Variants in CSRNP3 observed in about 807,000 individuals in gnomAD.
CSRNP3 encodes cysteine and serine rich nuclear protein 3, also known as cysteine/serine-rich nuclear protein 3.
In CSRNP3, 12 loss-of-function variants were observed where a neutral mutation model predicts 48.0. That is an observed-to-expected ratio of 0.25 (90% confidence interval 0.16 to 0.41). CSRNP3 has a LOEUF of 0.41. Ranked by LOEUF, CSRNP3 falls within the 10% of genes least tolerant of loss-of-function variation. CSRNP3 has a pLI of 1.00. For missense variants in CSRNP3, 580 were observed against 724.4 expected (o/e 0.80, Z 2.29); for synonymous variants, 263 against 269.7 (o/e 0.98, Z 0.24).
chr2:165,513,335 C>G (rs1684533796), intron 2 of CSRNP3, among the ~76,000 whole-genome samples: 1 of 152,148 alleles, frequency 6.6e-6, no homozygotes, highest in Non-Finnish European at 1.5e-5. Context: ...GAACACCAGA[C>G]AATTACTCCA....
intron 3 of CSRNP3, among the ~76,000 whole-genome samples, chr2:165,584,393 G>T (rs1249975543): frequency 6.6e-6 from 1 of 152,184 alleles, no homozygotes; most frequent in Non-Finnish European, 1.5e-5. Context: ...CTTAGGGAAA[G>T]CAGCTGAGGC....
chr2:165,498,116 A>C (rs977915278), intron 2 of CSRNP3, among the ~76,000 whole-genome samples: 5 of 152,054 alleles, frequency 3.3e-5, no homozygotes, highest in Admixed American at 1.3e-4. Context: ...CAGATTGTTG[A>C]GACTTTCCTT....
chr2:165,656,918 A>G lies in CSRNP3; in HGVS notation c.149-843A>G, dbSNP rs555072499. Among the ~76,000 whole-genome samples, 9 of 152,366 alleles carry G rather than the reference A, an allele frequency of 5.9e-5. No individual in the cohort carries two copies. In the South Asian group the frequency reaches 1.9e-3, roughly 32 times the overall value. On this transcript the variant is annotated intron_variant, in intron 4 of 6. Coordinates refer to ENST00000651982, the MANE Select transcript of CSRNP3 (RefSeq NM_001172173.2). Reference sequence around the variant, plus strand: ...AAAGTTCAAAGGATTAGAGGAAATGAGAAATTATAGTTGTCCCTGGTTATC... The same window carrying G: ...AAAGTTCAAAGGATTAGAGGAAATGGGAAATTATAGTTGTCCCTGGTTATC...
At chr2:165,629,322 T>G (rs1045151020) in intron 4 of CSRNP3, among the ~76,000 whole-genome samples, 1 of 152,186 alleles carries the variant, frequency 6.6e-6, no homozygotes, top group African/African-American at 2.4e-5. Context: ...GAGTACACCC[T>G]CACTGTTTGC....
At chr2:165,588,246 CA>C (rs1406109459) in intron 3 of CSRNP3, among the ~76,000 whole-genome samples, 5 of 152,268 alleles carry the variant, frequency 3.3e-5, no homozygotes, top group African/African-American at 1.2e-4. Flanking sequence ...ATATCAATGA[CA>C]AGGCCAGTGG....
chr2:165,668,248 C>T (rs116553647), intron 5 of CSRNP3, among the ~76,000 whole-genome samples: 2 of 152,086 alleles, frequency 1.3e-5, no homozygotes, highest in East Asian at 3.9e-4. Flanking sequence ...CTGATGTCCT[C>T]TCCATTAGAA....
chr2:165,475,145 C>T (rs143620239), intron 1 of CSRNP3, among the ~76,000 whole-genome samples: 15 of 151,940 alleles, frequency 9.9e-5, no homozygotes, highest in African/African-American at 3.1e-4. Context: ...ATGGTGTCAG[C>T]GTTTTAAAGC....
chr2:165,548,247 A>G (rs1685056015), intron 3 of CSRNP3, among the ~76,000 whole-genome samples: 1 of 152,072 alleles, frequency 6.6e-6, no homozygotes, highest in African/African-American at 2.4e-5. Context: ...ATCTCCTAAA[A>G]TATCATGGGA....
At chr2:165,536,159 A>G (rs907198690) in intron 3 of CSRNP3, among the ~76,000 whole-genome samples, 3 of 151,896 alleles carry the variant, frequency 2.0e-5, no homozygotes, top group African/African-American at 4.8e-5. Context: ...TCAACCAAAT[A>G]TTGTCAACAC....
intron 1 of CSRNP3, among the ~76,000 whole-genome samples, chr2:165,475,867 G>A (rs1471491352): frequency 5.9e-5 from 9 of 151,954 alleles, no homozygotes; most frequent in Admixed American, 5.9e-4. Context: ...TACATTAACG[G>A]GATTTTATCT....
intron 3 of CSRNP3, among the ~76,000 whole-genome samples, chr2:165,539,896 T>C (rs4667489): frequency 0.45 from 68,028 of 151,872 alleles, 15,444 homozygotes; most frequent in African/African-American, 0.5. Flanking sequence ...CTGGAGCAAA[T>C]TCTAAGAAAC....
At chr2:165,642,621 G>A (rs957158510) in intron 4 of CSRNP3, among the ~76,000 whole-genome samples, 2 of 150,290 alleles carry the variant, frequency 1.3e-5, no homozygotes, top group Non-Finnish European at 2.9e-5. Flanking sequence ...GGAGTGCAAT[G>A]GTGTGATCTC....
intron 3 of CSRNP3, among the ~76,000 whole-genome samples, chr2:165,592,423 G>A (rs1574853284): frequency 6.6e-6 from 1 of 152,148 alleles, no homozygotes; most frequent in South Asian, 2.1e-4. Flanking sequence ...ACCTTAGGGG[G>A]GCCGTTGGAA....
intron 3 of CSRNP3, among the ~76,000 whole-genome samples, chr2:165,523,037 T>C (rs967350587): frequency 1.3e-5 from 2 of 152,164 alleles, no homozygotes; most frequent in African/African-American, 4.8e-5. Flanking sequence ...CCTTTCACGA[T>C]TAGTGCACCT....
chr2:165,663,132 A>C (rs1478988018), intron 5 of CSRNP3, among the ~76,000 whole-genome samples: 1 of 152,184 alleles, frequency 6.6e-6, no homozygotes, highest in Non-Finnish European at 1.5e-5. Context: ...AAGTCTTTTG[A>C]TTTATCTTCC....
chr2:165,543,016 A>G (rs936075042), intron 3 of CSRNP3, among the ~76,000 whole-genome samples: 5 of 152,154 alleles, frequency 3.3e-5, no homozygotes, highest in African/African-American at 7.2e-5. Flanking sequence ...GTTGGCTCTT[A>G]TTATCAGTTG....
chr2:165,627,160 G>A (rs1686449683), intron 4 of CSRNP3, among the ~76,000 whole-genome samples: 1 of 152,022 alleles, frequency 6.6e-6, no homozygotes, highest in Non-Finnish European at 1.5e-5. Flanking sequence ...AAACCTTGTG[G>A]GGAGCTGCAC....
chr2:165,543,388 A>G (rs1457108191), intron 3 of CSRNP3, among the ~76,000 whole-genome samples: 2 of 152,302 alleles, frequency 1.3e-5, no homozygotes, highest in African/African-American at 4.8e-5. Context: ...AAACATATTT[A>G]CCTACAATCT....
intron 3 of CSRNP3, among the ~76,000 whole-genome samples, chr2:165,584,877 G>A (rs1685602399): frequency 6.6e-6 from 1 of 152,092 alleles, no homozygotes; most frequent in South Asian, 2.1e-4. Context: ...CTAACACTAA[G>A]GATAGATGAT....
Sources: allele counts gnomAD v4.1 joint callset (sites outside exome capture counted in the v4.1 genomes callset), GRCh38; gene constraint gnomAD v4.1.1; transcripts MANE v1.5; gene names NCBI Gene and HGNC (gene_info 2026-07-23, HGNC 2026-07-21).